CFAP263: variants seen among roughly 807,000 people sequenced by gnomAD.
CFAP263 encodes the protein cilia and flagella associated protein 263, also known as cilia- and flagella-associated protein 263.
chr16:58,280,632 G>C, the CFAP263 span: 1 of 1,614,192 alleles, frequency 6.2e-7, no homozygotes, highest in African/African-American at 1.3e-5. Context: ...TCCATTTGCT[G>C]TAGTCTTCCA....
chr16:58,272,770 CTTTTT>C, the CFAP263 span, among the ~76,000 whole-genome samples: 32 of 137,628 alleles, frequency 2.3e-4, no homozygotes, highest in African/African-American at 8.0e-4. Flanking sequence ...ATCTTAATGG[CTTTTT>C]TTTTTTTTTT....
chr16:58,278,219 G>T, the CFAP263 span, among the ~76,000 whole-genome samples: 1 of 146,270 alleles, frequency 6.8e-6, no homozygotes, highest in African/African-American at 2.5e-5. Context: ...CCTTAATAAA[G>T]GAGAGGAAGA....
the CFAP263 span, among the ~76,000 whole-genome samples, chr16:58,263,007 C>A: frequency 5.1e-4 from 78 of 152,310 alleles, no homozygotes; most frequent in Middle Eastern, 3.4e-3. Flanking sequence ...CAAAAGAAAG[C>A]AGTCTTAGCT....
chr16:58,268,461 A>T, the CFAP263 span, among the ~76,000 whole-genome samples: 1 of 152,232 alleles, frequency 6.6e-6, no homozygotes, highest in Non-Finnish European at 1.5e-5. Context: ...CATCTGTGAA[A>T]TAGATCTACT....
the CFAP263 span, among the ~76,000 whole-genome samples, chr16:58,274,329 C>T: frequency 2.0e-5 from 3 of 152,166 alleles, no homozygotes; most frequent in African/African-American, 4.8e-5. Flanking sequence ...TAAAAAACTC[C>T]ATTGTTTCCC....
the CFAP263 span, chr16:58,279,803 C>T: frequency 6.5e-7 from 1 of 1,539,824 alleles, no homozygotes; most frequent in Non-Finnish European, 9.0e-7. Context: ...GGCTTACAGA[C>T]CACTACATGA....
the CFAP263 span, chr16:58,250,006 G>C: frequency 6.4e-7 from 1 of 1,571,194 alleles, no homozygotes; most frequent in Non-Finnish European, 8.7e-7. Flanking sequence ...GGGCCGCTTC[G>C]GCAGAGTGAT....
the CFAP263 span, chr16:58,280,526 T>C: frequency 3.1e-6 from 5 of 1,614,180 alleles, no homozygotes; most frequent in African/African-American, 1.3e-5. Flanking sequence ...TTCTGTGTCA[T>C]GGTGGCATTT....
At chr16:58,263,748 C>G in the CFAP263 span, among the ~76,000 whole-genome samples, 3 of 152,208 alleles carry the variant, frequency 2.0e-5, no homozygotes, top group African/African-American at 7.2e-5. Flanking sequence ...GAGGCCTAGG[C>G]AGGCACATCA....
the CFAP263 span, chr16:58,283,122 C>T: frequency 6.6e-6 from 1 of 152,230 alleles, no homozygotes; most frequent in Non-Finnish European, 1.5e-5. Flanking sequence ...AAAGCCCTGA[C>T]AGTGGTAGAA....
the CFAP263 span, among the ~76,000 whole-genome samples, chr16:58,260,860 C>T: frequency 6.6e-6 from 1 of 152,070 alleles, no homozygotes; most frequent in Non-Finnish European, 1.5e-5. Flanking sequence ...TGATGAAGGA[C>T]AAATGTAACA....
At chr16:58,282,604 A>G in the CFAP263 span, 4 of 152,422 alleles carry the variant, frequency 2.6e-5, no homozygotes, top group South Asian at 6.2e-4. Context: ...AAGGCCAGAC[A>G]TGTGAGGAAG....
chr16:58,250,230 G>T, the CFAP263 span: 1 of 603,918 alleles, frequency 1.7e-6, no homozygotes, highest in Non-Finnish European at 2.9e-6. Context: ...GAGCACTGGG[G>T]AGACTTTTCC....
the CFAP263 span, among the ~76,000 whole-genome samples, chr16:58,266,405 A>ATTTTTT: frequency 1.3e-4 from 4 of 31,442 alleles, no homozygotes; most frequent in African/African-American, 2.3e-4. Context: ...ATATATATAT[A>ATTTTTT]TTTTTTTTTT....
chr16:58,258,598 C>T, the CFAP263 span: 3 of 1,377,020 alleles, frequency 2.2e-6, no homozygotes. Context: ...CCATGTGAAG[C>T]AGCCTAGCTC....
the CFAP263 span, among the ~76,000 whole-genome samples, chr16:58,271,117 CT>C: frequency 6.6e-6 from 1 of 152,042 alleles, no homozygotes; most frequent in African/African-American, 2.4e-5. Flanking sequence ...ATTTGCACTA[CT>C]TTTTTAATGT....
the CFAP263 span, among the ~76,000 whole-genome samples, chr16:58,257,986 T>A: frequency 2.0e-5 from 3 of 151,616 alleles, no homozygotes; most frequent in South Asian, 6.2e-4. Context: ...CAGGTGCCTG[T>A]AGTCCCAGCT....
At chr16:58,282,674 C>A in the CFAP263 span, 1 of 152,270 alleles carries the variant, frequency 6.6e-6, no homozygotes, top group African/African-American at 2.4e-5. Flanking sequence ...TAGTGTGGCA[C>A]TCCTGACTTT....
At chr16:58,254,115 C>G in the CFAP263 span, 1 of 1,614,076 alleles carries the variant, frequency 6.2e-7, no homozygotes, top group Non-Finnish European at 8.5e-7. Flanking sequence ...GGATGACTTA[C>G]GACACACAAG....
Sources: gnomAD v4.1 joint callset for allele counts (sites outside exome capture counted in the v4.1 genomes callset) on GRCh38, gnomAD v4.1.1 for gene constraint, MANE v1.5 for transcripts, NCBI Gene and HGNC (gene_info 2026-07-23, HGNC 2026-07-21) for gene names.